TRIM24: variants seen among roughly 807,000 people sequenced by gnomAD.
TRIM24 encodes the protein tripartite motif containing 24.
A neutral mutation model predicts 123.9 loss-of-function variants in TRIM24; 29 were observed. That is an observed-to-expected ratio of 0.23 (90% CI 0.17 to 0.32). The LOEUF is 0.32. TRIM24 is among the 10% of genes least tolerant of loss of function. The pLI, the probability that TRIM24 is intolerant of heterozygous loss-of-function variation, is 1.00. For synonymous variants in TRIM24, 456 were observed against 461.1 expected (o/e 0.99, Z 0.14); for missense variants, 932 against 1,295.3 (o/e 0.72, Z 4.31).
intron 1 of TRIM24, among the ~76,000 whole-genome samples, chr7:138,488,741 A>AGG (rs1795710171): frequency 6.6e-6 from 1 of 152,160 alleles, no homozygotes; most frequent in African/African-American, 2.4e-5. Context: ...GTTCTTTTAC[A>AGG]TTTACTGAGG....
chr7:138,531,233 TGTTACAC>T (rs968769118), intron 6 of TRIM24, among the ~76,000 whole-genome samples: 6 of 147,062 alleles, frequency 4.1e-5, no homozygotes, highest in South Asian at 2.1e-4. Flanking sequence ...TACGTATACA[TGTTACAC>T]GTTACATGTT....
At chr7:138,470,714 C>G (rs1795255207) in intron 1 of TRIM24, among the ~76,000 whole-genome samples, 1 of 152,184 alleles carries the variant, frequency 6.6e-6, no homozygotes, top group Non-Finnish European at 1.5e-5. Context: ...CCATTTAAGT[C>G]TGTAACTTCA....
At chr7:138,494,197 G>A (rs1463560104) in intron 1 of TRIM24, among the ~76,000 whole-genome samples, 5 of 151,954 alleles carry the variant, frequency 3.3e-5, no homozygotes, top group South Asian at 2.1e-4. Context: ...GGCCAGTCTG[G>A]TCTCAGACTC....
Position 138,554,681 on chromosome 7 carries a change from C to A in TRIM24, c.1262-17C>A. ...TATCTGAAAAACTGTTTCCCTTAAC[C>A]TTTTCTTTTTAATTAGGTTCTTTAG... On this transcript the variant is annotated splice_polypyrimidine_tract_variant and intron_variant, in intron 8 of 18. Coordinates refer to ENST00000343526, the MANE Select transcript of TRIM24 (RefSeq NM_015905.3). The surrounding 1 kb of genome is among the most constrained non-coding windows in gnomAD (Gnocchi z 4.5). 6.2e-7 allele frequency: 1 copy of A among 1,606,546 alleles called. No individual in the cohort carries two copies. The highest frequency in any genetic ancestry group is 1.3e-5 in the African/African-American group (1 of 74,714).
intron 2 of TRIM24, among the ~76,000 whole-genome samples, chr7:138,508,554 A>G (rs1796198136): frequency 6.6e-6 from 1 of 152,200 alleles, no homozygotes; most frequent in South Asian, 2.1e-4. Flanking sequence ...CCTAAGCTAT[A>G]GTGCATCCAG....
chr7:138,507,359 A>ATTT (rs11301228), intron 2 of TRIM24, among the ~76,000 whole-genome samples: 1 of 132,392 alleles, frequency 7.6e-6, no homozygotes, highest in African/African-American at 2.8e-5. Flanking sequence ...TTCATCTGTA[A>ATTT]TTTTTTTTTT....
At chr7:138,513,757 C>T (rs2116552340) in intron 2 of TRIM24, among the ~76,000 whole-genome samples, 1 of 152,302 alleles carries the variant, frequency 6.6e-6, no homozygotes, top group South Asian at 2.1e-4. Flanking sequence ...TACCATCTTT[C>T]TTGAATAAGC....
intron 1 of TRIM24, among the ~76,000 whole-genome samples, chr7:138,470,809 G>A (rs1344927955): frequency 6.6e-6 from 1 of 152,218 alleles, no homozygotes; most frequent in Non-Finnish European, 1.5e-5. Flanking sequence ...CTGGCAAGGA[G>A]ATCCCTGTCC....
chr7:138,568,391 T>TGG, intron 10 of TRIM24, among the ~76,000 whole-genome samples: 2 of 137,910 alleles, frequency 1.5e-5, no homozygotes, highest in Non-Finnish European at 3.1e-5. Flanking sequence ...TTTTTTTTTT[T>TGG]TTTTTTTTTT....
chr7:138,468,212 T>A (rs1343531948), intron 1 of TRIM24, among the ~76,000 whole-genome samples: 1 of 152,190 alleles, frequency 6.6e-6, no homozygotes, highest in African/African-American at 2.4e-5. Context: ...TATGAATGGG[T>A]GATGAATTTT....
chr7:138,580,849 CTG>C (rs1797880232), intron 16 of TRIM24, among the ~76,000 whole-genome samples, 155 bp downstream of exon 16: 3 of 151,874 alleles, frequency 2.0e-5, no homozygotes, highest in South Asian at 2.1e-4. Context: ...ATCTTAAAGA[CTG>C]TAACTTTCTT....
chr7:138,499,904 G>T (rs376637638), intron 1 of TRIM24, among the ~76,000 whole-genome samples: 14 of 151,782 alleles, frequency 9.2e-5, no homozygotes, highest in Non-Finnish European at 1.8e-4. Context: ...GTAAGAGTCA[G>T]TACTATTAGT....
intron 2 of TRIM24, among the ~76,000 whole-genome samples, chr7:138,508,413 T>C (rs1439167699): frequency 6.6e-6 from 1 of 152,184 alleles, no homozygotes; most frequent in Non-Finnish European, 1.5e-5. Context: ...TTAATGGCCA[T>C]TAATGATCAC....
Position 138,554,765 on chromosome 7 carries a change from G to C in TRIM24, c.1329G>C (p.Gln443His). The change falls in exon 9 of 19, where the codon CAG (glutamine) becomes CAC (histidine). Residue 443 changes from glutamine (Q) to histidine (H), a missense_variant. By Grantham distance (24) the Gln-to-His change is conservative. This residue lies in a region of TRIM24 where 527 missense variants were observed against 691.3 expected (regional missense o/e 0.76). Coordinates refer to ENST00000343526, the MANE Select transcript of TRIM24 (RefSeq NM_015905.3). This position sits in a 1 kb window ranked among gnomAD's most constrained non-coding sequence, Gnocchi z 4.5. Reference sequence around the variant, plus strand: ...CTAAGCAGAATCCTGTCGTGGAACAGAATTCACAGCCACCAAGTGGTTTAT... The same window carrying C: ...CTAAGCAGAATCCTGTCGTGGAACACAATTCACAGCCACCAAGTGGTTTAT... ...QMPKQNPVVE[Q>H]NSQPPSGLSS... The C allele has an allele frequency of 6.2e-7, 1 of 1,614,216 alleles. No homozygotes were observed. Among genetic ancestry groups the C allele is most frequent in the Non-Finnish European group, 8.5e-7 (1 of 1,180,018 alleles).
intron 1 of TRIM24, among the ~76,000 whole-genome samples, chr7:138,463,806 T>A (rs1195132527): frequency 1.3e-5 from 2 of 152,214 alleles, no homozygotes; most frequent in East Asian, 3.9e-4. Flanking sequence ...AATTGGAAGA[T>A]GTTTTTGTTT....
intron 1 of TRIM24, among the ~76,000 whole-genome samples, chr7:138,483,404 T>A (rs1795574586): frequency 6.6e-6 from 1 of 152,252 alleles, no homozygotes; most frequent in Admixed American, 6.5e-5. Flanking sequence ...TGCTTTATCA[T>A]GCTGCCTAAA....
intron 7 of TRIM24, among the ~76,000 whole-genome samples, chr7:138,546,832 C>T (rs1201845365): frequency 1.3e-5 from 2 of 152,024 alleles, no homozygotes; most frequent in Non-Finnish European, 2.9e-5. Flanking sequence ...GCTTGCATCC[C>T]GTTGGTGAGA....
At chr7:138,488,531 G>T (rs1795702135) in intron 1 of TRIM24, among the ~76,000 whole-genome samples, 1 of 152,218 alleles carries the variant, frequency 6.6e-6, no homozygotes, top group Admixed American at 6.5e-5. Context: ...GTGTCCCAGA[G>T]ATTCTGGTAC....
intron 2 of TRIM24, among the ~76,000 whole-genome samples, chr7:138,508,716 TGTGC>T (rs774998525): frequency 8.4e-5 from 12 of 142,722 alleles, no homozygotes; most frequent in African/African-American, 2.4e-4. Context: ...TGCGTGTGTG[TGTGC>T]GTGTGTGTGT....
Sources: gnomAD v4.1 joint callset for allele counts (sites outside exome capture counted in the v4.1 genomes callset) on GRCh38, gnomAD v4.1.1 for gene constraint, gnomAD v4.1.1 regional missense constraint, Gnocchi (gnomAD v3.1) non-coding constraint, MANE v1.5 for transcripts, NCBI Gene and HGNC (gene_info 2026-07-23, HGNC 2026-07-21) for gene names.